Variants in GOLGA3 observed in about 807,000 individuals in gnomAD.
The protein encoded by GOLGA3 is golgin A3.
Under a neutral mutation model 169.4 loss-of-function variants are expected in GOLGA3, and 75 were observed. That is an observed-to-expected ratio of 0.44 (90% CI 0.37 to 0.54). The LOEUF (loss-of-function observed/expected upper bound fraction) is 0.54, where lower values mean the gene tolerates loss of function less well. Ranked by LOEUF, GOLGA3 falls within the 20% of genes least tolerant of loss-of-function variation. GOLGA3 has a pLI of 0.00. For missense variants in GOLGA3, 1,899 were observed against 1,930.0 expected, an observed-to-expected ratio of 0.98 and a Z score of 0.30; for synonymous variants, 824 against 822.4, an observed-to-expected ratio of 1.00 and a Z score of -0.03.
Position 132,795,961 on chromosome 12 carries a change from C to T in GOLGA3, c.2360G>A (p.Ser787Asn), listed in dbSNP as rs1402675538. 1 of 1,614,060 alleles carries T rather than the reference C, an allele frequency of 6.2e-7. No individual in the cohort carries two copies. The highest frequency in any genetic ancestry group is 1.7e-5 in the Admixed American group (1 of 60,024). ...TCCTCTGTCAAGCTCCTCCTTGCCA[C>T]TCTTGGCCGCCTGCAAAGCCGCCTC... ...ILEAALQAAKSGKEELDRGAR... is the reference protein window; with the variant it reads ...ILEAALQAAKNGKEELDRGAR... The change falls in exon 11 of 24, where the codon AGT (serine) becomes AAT (asparagine). Residue 787 changes from serine (S) to asparagine (N), a missense_variant. Transcript: ENST00000450791.
chr12:132,774,237 C>G lies in GOLGA3; in HGVS notation c.4227G>C (p.Leu1409=), dbSNP rs1347066590. ...GCGGTGGTCTCAGCAGCTCCTCCAG[C>G]AGCGAGGCGGGAACTGGGCAGTCCG... ...KIPDCPVPAS[L]LEELLRPPPA... The change falls in exon 23 of 24, where the codon CTG becomes CTC. Residue 1409 remains leucine (L), a synonymous_variant. Transcript: ENST00000450791. 1.2e-5 allele frequency: 20 copies of G among 1,612,178 alleles called. No homozygotes were observed. Among genetic ancestry groups the G allele is most frequent in the Non-Finnish European group, 1.7e-5 (20 of 1,179,930 alleles).
chr12:132,803,811 GA>G (rs1247178735), intron 7 of GOLGA3, among the ~76,000 whole-genome samples: 1 of 152,112 alleles, frequency 6.6e-6, no homozygotes, highest in Non-Finnish European at 1.5e-5. Flanking sequence ...CTGCACCAGG[GA>G]CCCCTGGCTC....
intron 14 of GOLGA3, 68 bp downstream of exon 14, chr12:132,786,625 C>A: frequency 6.4e-7 from 1 of 1,557,482 alleles, no homozygotes; most frequent in Non-Finnish European, 8.8e-7. Flanking sequence ...CATTCTGGTT[C>A]GCCTCCCCCC....
At position 132,786,739 on chromosome 12, in the gene GOLGA3, C is replaced by T; in HGVS notation, c.2860G>A (p.Glu954Lys). ...EQMVAVTEAN[E>K]ALKKQIEELQ... ...TCTTCGATTTGTTTCTTCAGCGCCT[C>T]ATTGGCCTCTGTGACCGCGACCATC... The change falls in exon 14 of 24, where the codon GAG (glutamate) becomes AAG (lysine). Residue 954 changes from glutamate to lysine, a missense_variant. Physicochemically the swap from Glu to Lys is moderately conservative, Grantham distance 56. Transcript: ENST00000450791. The T allele has an allele frequency of 2.5e-6, 4 of 1,613,572 alleles. No homozygotes were observed. Among genetic ancestry groups the T allele is most frequent in the South Asian group, 1.1e-5 (1 of 91,076 alleles).
intron 1 of GOLGA3, among the ~76,000 whole-genome samples, chr12:132,826,953 C>T (rs543970521): frequency 2.0e-5 from 3 of 152,294 alleles, no homozygotes; most frequent in South Asian, 4.1e-4. Context: ...TATGATCACT[C>T]GCACTCCTGC....
At chr12:132,821,894 A>G (rs538924269) in intron 2 of GOLGA3, 102 bp downstream of exon 2, 6 of 720,568 alleles carry the variant, frequency 8.3e-6, no homozygotes, top group African/African-American at 1.9e-5. Flanking sequence ...ATTAAGTGAA[A>G]AGCTCACAGT....
chr12:132,782,512 A>G lies in GOLGA3; in HGVS notation c.3268-19T>C. On this transcript the variant is annotated intron_variant, in intron 16 of 23. Coordinates refer to ENST00000450791, the MANE Select transcript of GOLGA3 (RefSeq NM_001389683.1). ...CTTGAAGCTGAAACATACCAATGTC[A>G]CTGTAAAATTACCTGCACTGGTGAG... is the stretch of plus-strand genomic sequence containing the variant. 6.3e-7 allele frequency: 1 copy of G among 1,592,090 alleles called. No homozygotes were observed. Among genetic ancestry groups the G allele is most frequent in the Non-Finnish European group, 8.6e-7 (1 of 1,160,026 alleles).
intron 22 of GOLGA3, chr12:132,774,896 T>G (rs2045136427): frequency 5.5e-6 from 3 of 548,840 alleles, no homozygotes; most frequent in Admixed American, 3.6e-5. Context: ...CTCATCTGCT[T>G]TACAAAGCAC....
At chr12:132,799,662 G>T (rs1332163359) in intron 8 of GOLGA3, among the ~76,000 whole-genome samples, 1 of 152,056 alleles carries the variant, frequency 6.6e-6, no homozygotes, top group African/African-American at 2.4e-5. Context: ...AGCAGATAGG[G>T]CTCTGGAGCC....
At chr12:132,794,067 T>G (rs1175238994) in intron 11 of GOLGA3, among the ~76,000 whole-genome samples, 2 of 152,160 alleles carry the variant, frequency 1.3e-5, no homozygotes, top group Non-Finnish European at 2.9e-5. Flanking sequence ...ACACGCATCA[T>G]TCATCCGTTC....
chr12:132,801,371 G>A (rs1949119247), intron 8 of GOLGA3, among the ~76,000 whole-genome samples: 1 of 152,148 alleles, frequency 6.6e-6, no homozygotes, highest in South Asian at 2.1e-4. Flanking sequence ...AGCAGAGTGG[G>A]GAGGCTGAGG....
chr12:132,781,863 C>T (rs561242539), intron 17 of GOLGA3, among the ~76,000 whole-genome samples: 23 of 152,138 alleles, frequency 1.5e-4, no homozygotes, highest in Non-Finnish European at 2.8e-4. Context: ...ACAATGTCAC[C>T]GTCTGGGACT....
At chr12:132,803,088 CAACAAA>C (rs879797827) in intron 7 of GOLGA3, among the ~76,000 whole-genome samples, 53,440 of 147,656 alleles carry the variant, frequency 0.36, 10,253 homozygotes, top group East Asian at 0.53. Context: ...AACAACAAAA[CAACAAA>C]AAAAAACACT....
chr12:132,809,441 C>G (rs993341893), intron 4 of GOLGA3, among the ~76,000 whole-genome samples: 3 of 150,460 alleles, frequency 2.0e-5, no homozygotes, highest in African/African-American at 4.9e-5. Flanking sequence ...CCCCCGCCCC[C>G]CCGCCCCCCG....
chr12:132,820,417 T>C (rs184624888), intron 2 of GOLGA3, among the ~76,000 whole-genome samples: 5 of 152,318 alleles, frequency 3.3e-5, no homozygotes, highest in East Asian at 1.9e-4. Flanking sequence ...CGAGGGCACA[T>C]TGCTCCTGAG....
chr12:132,775,412 G>A (rs1006780830), intron 21 of GOLGA3, 107 bp from the exon 22 acceptor site: 25 of 959,394 alleles, frequency 2.6e-5, no homozygotes, highest in East Asian at 1.0e-4. Context: ...CCTCCTCGGC[G>A]CCATCTAGAT....
In GOLGA3 at chr12:132,822,295, A is replaced by T; in HGVS notation, c.-167T>A. 7.3e-7 allele frequency: 1 copy of T among 1,367,838 alleles called. No homozygotes were observed. The highest frequency in any genetic ancestry group is 9.4e-7 in the Non-Finnish European group (1 of 1,065,670). The allele number at this position is 1,367,838 out of a possible 1,614,324, so 84.7% of individuals were successfully genotyped here. ...CTCACAAATGACTTGATGTCAAACC[A>T]GCTAATATCATGATACCTGACAGGA... On this transcript the variant is annotated 5_prime_UTR_variant, in exon 2 of 24. Transcript: ENST00000450791.
chr12:132,780,731 C>T (rs2045552687), intron 18 of GOLGA3, 67 bp downstream of exon 18: 1 of 963,528 alleles, frequency 1.0e-6, no homozygotes, highest in African/African-American at 1.6e-5. Context: ...TGTGAAGGAC[C>T]CTGCATAGAT....
At chr12:132,816,450 C>G in intron 3 of GOLGA3, 90 bp downstream of exon 3, 1 of 1,364,226 alleles carries the variant, frequency 7.3e-7, no homozygotes, top group Non-Finnish European at 1.0e-6. Context: ...CACACAACAG[C>G]TCAGACAGTG....
Sources: gnomAD v4.1 joint callset for allele counts (sites outside exome capture counted in the v4.1 genomes callset) on GRCh38, gnomAD v4.1.1 for gene constraint, MANE v1.5 for transcripts, NCBI Gene and HGNC (gene_info 2026-07-23, HGNC 2026-07-21) for gene names.